The following PLXNA1 variants were observed in gnomAD, a reference collection of about 807,000 sequenced individuals.
PLXNA1 encodes the protein plexin A1.
In PLXNA1, 77 loss-of-function variants were observed where a neutral mutation model predicts 191.7. The ratio of observed to expected loss-of-function variants is 0.40; its 90% CI spans 0.33 to 0.49. The LOEUF (loss-of-function observed/expected upper bound fraction) is 0.49, where lower values mean the gene tolerates loss of function less well. Among genes scored for constraint, PLXNA1 ranks in the 20% least tolerant of loss-of-function variants. The probability of loss-of-function intolerance (pLI) is 0.63; values close to 1 mark genes in which losing one functional copy is unlikely to be tolerated. For missense variants in PLXNA1, 2,110 were observed against 2,660.2 expected, an observed-to-expected ratio of 0.79 and a Z score of 4.55; for synonymous variants, 1,137 against 1,156.4, an observed-to-expected ratio of 0.98 and a Z score of 0.34.
chr3:127,018,180 C>G (rs912443998), intron 19 of PLXNA1, 114 bp from the exon 20 acceptor site: 2 of 1,022,394 alleles, frequency 2.0e-6, no homozygotes, highest in Non-Finnish European at 2.8e-6. Flanking sequence ...GTGCCCCTGT[C>G]GGTGGGACCT....
intron 20 of PLXNA1, among the ~76,000 whole-genome samples, chr3:127,019,459 C>T (rs897617966): frequency 6.6e-6 from 1 of 152,152 alleles, no homozygotes. Flanking sequence ...CTTGTGCTCC[C>T]GCCTGCTGAG....
At chr3:126,998,294 A>G (rs1576672810) in intron 3 of PLXNA1, among the ~76,000 whole-genome samples, 1 of 152,260 alleles carries the variant, frequency 6.6e-6, no homozygotes, top group Middle Eastern at 3.4e-3. Context: ...TTGAGGGCCC[A>G]GGGCCATGGG....
At chr3:127,020,391 C>T (rs1328000666) in intron 21 of PLXNA1, 47 bp downstream of exon 21, 17 of 1,599,438 alleles carry the variant, frequency 1.1e-5, no homozygotes, top group Non-Finnish European at 1.4e-5. Flanking sequence ...GAGGCAGCTG[C>T]TATCTTCTGC....
rs545498937 is a variant in PLXNA1, at chr3:127,028,189, C to T, written c.4518C>T (p.Asn1506=). 1.6e-5 allele frequency: 26 copies of T among 1,613,236 alleles called. No individual in the cohort carries two copies. Among genetic ancestry groups the T allele is most frequent in the African/African-American group, 1.3e-4 (10 of 75,048 alleles). Residue 1506 remains asparagine (N), a synonymous_variant, in exon 25 of 32, where the codon AAC becomes AAT. Transcript: ENST00000393409. The stretch of plus-strand genomic sequence containing the variant: ...CTCCACCCCGCCCGCAGACCCTGAA[C>T]TGTGTGAACCCTGAGAATGAGAATG... ...QQIDYKTLTL[N]CVNPENENAP...
At chr3:126,995,247 G>A (rs2079009748) in intron 3 of PLXNA1, among the ~76,000 whole-genome samples, 2 of 152,136 alleles carry the variant, frequency 1.3e-5, no homozygotes, top group South Asian at 4.1e-4. Flanking sequence ...ACCCACACAG[G>A]CAGCCTCTCC....
intron 23 of PLXNA1, among the ~76,000 whole-genome samples, chr3:127,025,118 G>T (rs917091068): frequency 6.6e-6 from 1 of 152,110 alleles, no homozygotes; most frequent in African/African-American, 2.4e-5. Context: ...CACTCTTGGT[G>T]CTCTGCATTC....
chr3:127,018,004 A>C, intron 19 of PLXNA1, 112 bp downstream of exon 19: 4 of 1,427,598 alleles, frequency 2.8e-6, no homozygotes, highest in Non-Finnish European at 2.8e-6. Context: ...CCCCTAGCTC[A>C]GAGGGCGCCC....
chr3:127,013,413 C>T (rs2079105522), intron 10 of PLXNA1, among the ~76,000 whole-genome samples: 2 of 152,218 alleles, frequency 1.3e-5, no homozygotes, highest in Admixed American at 6.5e-5. Flanking sequence ...GGGCTCCCTG[C>T]ACCGTCCCAG....
intron 23 of PLXNA1, among the ~76,000 whole-genome samples, chr3:127,024,222 A>C (rs2079166508): frequency 6.6e-6 from 1 of 152,174 alleles, no homozygotes; most frequent in South Asian, 2.1e-4. Flanking sequence ...GACAGGGCTC[A>C]GGGCAGCAAA....
intron 1 of PLXNA1, 48 bp from the exon 2 acceptor site, chr3:126,988,473 G>T: frequency 1.1e-6 from 1 of 870,576 alleles, no homozygotes; most frequent in South Asian, 1.9e-5. Flanking sequence ...TAATATCATG[G>T]GATGGGCCAT....
At chr3:127,004,140 C>T (rs543735423) in intron 4 of PLXNA1, among the ~76,000 whole-genome samples, 3 of 152,364 alleles carry the variant, frequency 2.0e-5, no homozygotes, top group African/African-American at 7.2e-5. Context: ...TGGGGTTCTG[C>T]CTTCCTGGGG....
intron 26 of PLXNA1, 112 bp downstream of exon 26, chr3:127,029,208 G>T: frequency 1.1e-6 from 1 of 900,182 alleles, no homozygotes; most frequent in Non-Finnish European, 1.7e-6. Context: ...ATCTGTCAGG[G>T]AGAGGAGGGG....
chr3:127,024,210 G>T (rs1013743655), intron 23 of PLXNA1, among the ~76,000 whole-genome samples: 1 of 152,182 alleles, frequency 6.6e-6, no homozygotes, highest in African/African-American at 2.4e-5. Flanking sequence ...CACACCCACA[G>T]AGACAGGGCT....
At position 127,035,001 on chromosome 3, in the gene PLXNA1, C is replaced by G. The variant is rs548748468; in HGVS notation, c.*984C>G. The G allele has an allele frequency of 6.5e-6, 1 of 152,738 alleles. No homozygotes were observed. The highest frequency in any genetic ancestry group is 1.9e-4 in the East Asian group (1 of 5,178). The allele number at this position is 152,738 out of a possible 1,614,324, so 9.5% of individuals were successfully genotyped here. A position where few individuals can be genotyped will look rare whatever the true frequency, so the allele number is the denominator to read the frequency against. On this transcript the variant is annotated 3_prime_UTR_variant, in exon 32 of 32. Transcript: ENST00000393409. Reference sequence around the variant, plus strand: ...GTGGCATCTCAGCAGTGTCCTGGCCCCTCCAGAGCAGTGGGACATCTGGGG... The same window carrying G: ...GTGGCATCTCAGCAGTGTCCTGGCCGCTCCAGAGCAGTGGGACATCTGGGG...
intron 25 of PLXNA1, 76 bp from the exon 26 acceptor site, chr3:127,028,917 G>C (rs902051005): frequency 1.8e-6 from 2 of 1,142,362 alleles, no homozygotes; most frequent in Admixed American, 1.9e-5. Flanking sequence ...GGCAGGCCCC[G>C]TCCCACTACA....
At chr3:127,017,334 G>A in intron 17 of PLXNA1, 91 bp from the exon 18 acceptor site, 1 of 1,506,250 alleles carries the variant, frequency 6.6e-7, no homozygotes, top group South Asian at 1.3e-5. Context: ...TGTGCAGGGA[G>A]CAGGCAGCCC....
intron 29 of PLXNA1, chr3:127,032,066 C>T: frequency 2.9e-6 from 1 of 347,328 alleles, no homozygotes; most frequent in Non-Finnish European, 5.5e-6. Context: ...AGCCAGCATG[C>T]AGGCCTAGGA....
At chr3:127,028,916 C>G in intron 25 of PLXNA1, 77 bp from the exon 26 acceptor site, 1 of 1,125,292 alleles carries the variant, frequency 8.9e-7, no homozygotes, top group Non-Finnish European at 1.3e-6. Flanking sequence ...AGGCAGGCCC[C>G]GTCCCACTAC....
In PLXNA1 at chr3:127,034,139, G is replaced by C; in HGVS notation, c.*122G>C. The stretch of plus-strand genomic sequence containing the variant: ...CTCGGGCCGCCGCAGTGCAGCGACT[G>C]CCCGGCCCTCCCTCCCCTGCCTCAC... On this transcript the variant is annotated 3_prime_UTR_variant, in exon 32 of 32. Transcript: ENST00000393409. The C allele has an allele frequency of 1.1e-6, 1 of 877,336 alleles. No individual in the cohort carries two copies. The highest frequency in any genetic ancestry group is 2.7e-5 in the East Asian group (1 of 36,684). The allele number at this position is 877,336 out of a possible 1,614,324, so 54.3% of individuals were successfully genotyped here.
Sources: gnomAD v4.1 joint callset for allele counts (sites outside exome capture counted in the v4.1 genomes callset) on GRCh38, gnomAD v4.1.1 for gene constraint, MANE v1.5 for transcripts, NCBI Gene and HGNC (gene_info 2026-07-23, HGNC 2026-07-21) for gene names.